The following WASHC2C variants were observed in gnomAD, a reference collection of about 807,000 sequenced individuals.
WASHC2C encodes the protein WASH complex subunit 2C, also known as Vaccinia Penetration Factor.
In WASHC2C, 73 loss-of-function variants were observed where a neutral mutation model predicts 142.2. The ratio of observed to expected loss-of-function variants is 0.51; its 90% CI spans 0.43 to 0.62. WASHC2C has a LOEUF of 0.62. Among genes scored for constraint, WASHC2C ranks in the 20% least tolerant of loss-of-function variants. The probability of loss-of-function intolerance (pLI) is 0.00; values close to 1 mark genes in which losing one functional copy is unlikely to be tolerated. For missense variants in WASHC2C, 969 were observed against 1,531.7 expected, an observed-to-expected ratio of 0.63 and a Z score of 6.13; for synonymous variants, 337 against 565.5, an observed-to-expected ratio of 0.60 and a Z score of 5.73.
chr10:45,784,396 T>C (rs1452144201), intron 23 of WASHC2C, among the ~76,000 whole-genome samples, 169 bp from the exon 24 acceptor site: 1 of 143,142 alleles, frequency 7.0e-6, no homozygotes, highest in East Asian at 2.0e-4. Flanking sequence ...CATTCCATTT[T>C]GTCAATGTTT....
At chr10:45,732,770 T>C (rs1487127014) in intron 3 of WASHC2C, among the ~76,000 whole-genome samples, 1 of 152,256 alleles carries the variant, frequency 6.6e-6, no homozygotes, top group Non-Finnish European at 1.5e-5. Context: ...CCAGATCATC[T>C]TCCTGTTGAT....
intron 19 of WASHC2C, among the ~76,000 whole-genome samples, chr10:45,768,764 A>G (rs575600479): frequency 2.4e-4 from 37 of 152,272 alleles, no homozygotes; most frequent in African/African-American, 7.2e-4. Flanking sequence ...TAAAATTAAA[A>G]TATTCTTCTC....
intron 22 of WASHC2C, 140 bp downstream of exon 22, chr10:45,777,565 G>A (rs2057203676): frequency 1.5e-6 from 1 of 689,216 alleles, no homozygotes; most frequent in Admixed American, 2.6e-5. Context: ...CAAGCAGGCT[G>A]TGTCCCCACA....
In WASHC2C at chr10:45,790,410, G is replaced by T. The variant is rs1784002541; in HGVS notation, c.3763G>T (p.Glu1255Ter). ...IKPSQKTREK[E>*]KTLESNLFDD... ...ACCCTCTCAGAAAACCAGAGAGAAGGAGAAAACATTGGAATCTAATTTATT... is the reference window on the plus strand; with the variant it reads ...ACCCTCTCAGAAAACCAGAGAGAAGTAGAAAACATTGGAATCTAATTTATT... Residue 1255 changes from glutamate to a stop codon, truncating the protein, a stop_gained, in exon 30 of 31, where the codon GAG becomes TAG. Transcript: ENST00000623400. LOFTEE classifies it high-confidence loss of function. 3.9e-5 allele frequency: 63 copies of T among 1,611,152 alleles called. 1 individual carries two copies. The South Asian group carries it at 6.8e-4, about 17-fold the overall frequency.
intron 30 of WASHC2C, among the ~76,000 whole-genome samples, chr10:45,791,589 T>G (rs1474291387): frequency 6.8e-6 from 1 of 146,154 alleles, no homozygotes; most frequent in African/African-American, 2.5e-5. Flanking sequence ...TTCTTTATAT[T>G]TAGCCATTAG....
chr10:45,750,200 T>C lies in WASHC2C; in HGVS notation c.837T>C (p.Thr279=), dbSNP rs781857032. Residue 279 remains threonine (T), a synonymous_variant, in exon 9 of 31, where the codon ACT becomes ACC. Coordinates refer to ENST00000623400, the MANE Select transcript of WASHC2C (RefSeq NM_001330074.2). ...ATATTGAGGACATTGAAGAAAATAC[T>C]AGACCTGTAAGGAAGGCTGTAGTTG... is the stretch of plus-strand genomic sequence containing the variant. The part of the protein sequence containing the change: ...EEDIEDIEEN[T]RPKRSRPTSF... The C allele has an allele frequency of 2.5e-6, 4 of 1,611,106 alleles. No individual in the cohort carries two copies. The East Asian group carries it at 6.7e-5, about 27-fold the overall frequency.
intron 7 of WASHC2C, among the ~76,000 whole-genome samples, chr10:45,745,718 T>TA (rs1554870762): frequency 1.2e-4 from 19 of 152,032 alleles, no homozygotes; most frequent in Non-Finnish European, 2.1e-4. Flanking sequence ...CAATAGTTGC[T>TA]CGTAGCAACT....
intron 6 of WASHC2C, among the ~76,000 whole-genome samples, chr10:45,744,561 T>G (rs1299689589): frequency 1.2e-4 from 18 of 152,096 alleles, no homozygotes; most frequent in South Asian, 4.1e-4. Flanking sequence ...CTTTCTTTGC[T>G]TTTTATGACC....
At chr10:45,749,289 G>T (rs1473584551) in intron 8 of WASHC2C, among the ~76,000 whole-genome samples, 2 of 150,360 alleles carry the variant, frequency 1.3e-5, no homozygotes, top group Non-Finnish European at 3.0e-5. Context: ...ATAAAAATTA[G>T]CCGGGCGTGG....
chr10:45,786,933 C>T (rs1237818385), intron 27 of WASHC2C, 102 bp from the exon 28 acceptor site: 17 of 1,611,110 alleles, frequency 1.1e-5, no homozygotes, highest in African/African-American at 2.7e-5. Context: ...CTACTCCTCT[C>T]GTATTATACA....
intron 8 of WASHC2C, among the ~76,000 whole-genome samples, chr10:45,747,226 C>T (rs1371543228): frequency 5.9e-5 from 9 of 152,172 alleles, no homozygotes; most frequent in East Asian, 1.9e-4. Flanking sequence ...CTGCAACCTC[C>T]GCCTCCTGGG....
chr10:45,776,239 A>T (rs2057068624), intron 21 of WASHC2C, among the ~76,000 whole-genome samples: 1 of 152,072 alleles, frequency 6.6e-6, no homozygotes, highest in African/African-American at 2.4e-5. Context: ...TGCCTTCCTA[A>T]CTTGATTTAG....
chr10:45,789,167 C>A lies in WASHC2C; in HGVS notation c.3384C>A (p.Asp1128Glu). Reference protein sequence around the residue: ...KSLGHSRGEADLFDSGDIFST... With the variant: ...KSLGHSRGEAELFDSGDIFST... Reference sequence around the variant, plus strand: ...TGGGTCATTCCAGAGGGGAGGCTGACCTTTTTGATTCTGGGGACATTTTTT... The same window carrying A: ...TGGGTCATTCCAGAGGGGAGGCTGAACTTTTTGATTCTGGGGACATTTTTT... Residue 1128 changes from aspartate to glutamate, a missense_variant, in exon 29 of 31, where the codon GAC becomes GAA. Physicochemically the swap from Asp to Glu is conservative, Grantham distance 45 (BLOSUM62 2). Coordinates refer to ENST00000623400, the MANE Select transcript of WASHC2C (RefSeq NM_001330074.2). The A allele has an allele frequency of 6.2e-7, 1 of 1,612,064 alleles. No individual in the cohort carries two copies. Among genetic ancestry groups the A allele is most frequent in the Non-Finnish European group, 8.5e-7 (1 of 1,179,874 alleles).
At chr10:45,749,865 A>ATTTATATTTTATATATATTTT (rs2053375497) in intron 8 of WASHC2C, among the ~76,000 whole-genome samples, 2 of 140,544 alleles carry the variant, frequency 1.4e-5, no homozygotes, top group African/African-American at 5.4e-5. Flanking sequence ...ATTTATATAT[A>ATTTATATTTTATATATATTTT]TATATATTTA....
At chr10:45,729,599 C>T (rs2050297606) in intron 3 of WASHC2C, among the ~76,000 whole-genome samples, 1 of 151,434 alleles carries the variant, frequency 6.6e-6, no homozygotes, top group South Asian at 2.1e-4. Flanking sequence ...TTAGATAGAG[C>T]CTCTCCCTTG....
chr10:45,784,260 A>AG (rs1564819356), intron 23 of WASHC2C, among the ~76,000 whole-genome samples: 285 of 5,192 alleles, frequency 0.055, 16 homozygotes, highest in African/African-American at 0.099. Context: ...GTGTATATAT[A>AG]TATATATATA....
chr10:45,785,456 C>T (rs1161782663), intron 25 of WASHC2C, 53 bp from the exon 26 acceptor site: 76 of 1,604,064 alleles, frequency 4.7e-5, no homozygotes, highest in Non-Finnish European at 5.9e-5. Flanking sequence ...ATGATTTTTC[C>T]TTAAAACTTC....
intron 14 of WASHC2C, 143 bp from the exon 15 acceptor site, chr10:45,754,793 A>G: frequency 7.3e-7 from 1 of 1,368,120 alleles, no homozygotes; most frequent in Non-Finnish European, 1.0e-6. Flanking sequence ...TGTAGCAGTA[A>G]TGGATGGAGG....
chr10:45,727,346 C>T, intron 1 of WASHC2C, 26 bp downstream of exon 1: 1 of 1,594,962 alleles, frequency 6.3e-7, no homozygotes, highest in East Asian at 2.3e-5. Flanking sequence ...CGGAGAGGGG[C>T]CGGCCTGGGC....
Sources: gnomAD v4.1 joint callset for allele counts (sites outside exome capture counted in the v4.1 genomes callset) on GRCh38, gnomAD v4.1.1 for gene constraint, MANE v1.5 for transcripts, NCBI Gene and HGNC (gene_info 2026-07-23, HGNC 2026-07-21) for gene names.